The following CTPS2 variants were observed in gnomAD, a reference collection of about 807,000 sequenced individuals.
CTPS2 encodes the protein CTP synthase II.
A neutral mutation model predicts 46.8 loss-of-function variants in CTPS2; 19 were observed. The ratio of observed to expected loss-of-function variants is 0.41; its 90% CI spans 0.28 to 0.60. The LOEUF (loss-of-function observed/expected upper bound fraction) is 0.60. CTPS2 is among the 20% of genes least tolerant of loss of function. The pLI is 0.35. For synonymous variants in CTPS2, 151 were observed against 165.2 expected (o/e 0.91, Z 0.66); for missense variants, 286 against 447.6 (o/e 0.64, Z 3.26).
chrX:16,636,471 A>G (rs1490400856), intron 14 of CTPS2, among the ~76,000 whole-genome samples: 3 of 112,625 alleles, frequency 2.7e-5, no homozygotes, highest in Admixed American at 9.4e-5. Flanking sequence ...AAATGTCCAT[A>G]ATGGGCAAAC....
intron 13 of CTPS2, chrX:16,651,155 C>T (rs761231811): frequency 2.2e-5 from 25 of 1,153,359 alleles, no homozygotes; most frequent in East Asian, 3.1e-5. Context: ...AGTGGCCATC[C>T]GCAGAGCCCA....
chrX:16,643,264 G>T, intron 13 of CTPS2, among the ~76,000 whole-genome samples: 1 of 112,001 alleles, frequency 8.9e-6, no homozygotes, highest in Non-Finnish European at 1.9e-5. Context: ...CTTTCCTTTT[G>T]TTCCTCATCG....
intron 10 of CTPS2, among the ~76,000 whole-genome samples, chrX:16,674,629 G>A (rs1922075482): frequency 9.5e-6 from 1 of 105,143 alleles, no homozygotes; most frequent in African/African-American, 3.5e-5. Context: ...ACGAGGTCAG[G>A]AGATCGAGAC....
Position 16,596,986 on chromosome X carries a change from T to A in CTPS2, c.1692-6124A>T, listed in dbSNP as rs775891348. On this transcript the variant is annotated intron_variant, in intron 17 of 18. Transcript: ENST00000359276. ...TTCATGTGTTTTTTGGCTGCATAAA[T>A]GTCTTCTTTTGAGAAGTGTCTGTTC... Among the ~76,000 whole-genome samples the A allele has an allele frequency of 4.7e-5, 5 of 106,853 alleles. No individual in the cohort carries two copies. In the East Asian group the frequency reaches 1.5e-3, roughly 31 times the overall value. The allele number at this position is 106,853 out of a possible 115,157, so 92.8% of individuals were successfully genotyped here.
intron 11 of CTPS2, 54 bp downstream of exon 11, chrX:16,670,526 A>G: frequency 1.1e-6 from 1 of 928,826 alleles, no homozygotes; most frequent in Non-Finnish European, 1.5e-6. Context: ...TACCCCTCCT[A>G]GGTGTCAAAA....
intron 13 of CTPS2, among the ~76,000 whole-genome samples, chrX:16,662,950 G>A (rs1475912787): frequency 9.0e-6 from 1 of 111,030 alleles, no homozygotes; most frequent in Non-Finnish European, 1.9e-5. Context: ...ATATGTACAT[G>A]GATACTAATT....
intron 5 of CTPS2, 55 bp from the exon 6 acceptor site, chrX:16,693,279 T>C: frequency 9.3e-7 from 1 of 1,077,535 alleles, no homozygotes; most frequent in Non-Finnish European, 1.3e-6. Flanking sequence ...TATGGATGAT[T>C]AATGGTGCCC....
intron 4 of CTPS2, among the ~76,000 whole-genome samples, chrX:16,693,853 G>A (rs1180815195): frequency 2.7e-5 from 3 of 111,325 alleles, no homozygotes; most frequent in Non-Finnish European, 5.7e-5. Context: ...ATACTCTTCA[G>A]TAGCCCATTG....
intron 17 of CTPS2, among the ~76,000 whole-genome samples, chrX:16,593,158 G>A (rs1451602039): frequency 9.0e-6 from 1 of 111,711 alleles, no homozygotes; most frequent in Non-Finnish European, 1.9e-5. Context: ...AGCCAGGTGC[G>A]GTGGCTCACG....
chrX:16,645,197 G>A (rs1318037827), intron 13 of CTPS2, among the ~76,000 whole-genome samples: 3 of 106,341 alleles, frequency 2.8e-5, no homozygotes, highest in Admixed American at 2.0e-4. Context: ...GTTTCACCGT[G>A]TTAGCCAGGA....
intron 17 of CTPS2, among the ~76,000 whole-genome samples, chrX:16,592,285 A>G (rs1928945575): frequency 8.9e-6 from 1 of 111,840 alleles, no homozygotes; most frequent in Non-Finnish European, 1.9e-5. Context: ...TTTGCTTGTT[A>G]ATCTGTTTTT....
chrX:16,627,179 G>C (rs922910455), intron 14 of CTPS2: 1 of 112,419 alleles, frequency 8.9e-6, no homozygotes, highest in Non-Finnish European at 1.9e-5. Context: ...TTTTGCACCA[G>C]TGTCTTAATT....
intron 1 of CTPS2, among the ~76,000 whole-genome samples, chrX:16,705,391 T>C (rs1924915311): frequency 8.9e-6 from 1 of 112,106 alleles, no homozygotes; most frequent in Non-Finnish European, 1.9e-5. Context: ...AACCATGGAC[T>C]GGCTCTGGCC....
intron 18 of CTPS2, 138 bp from the exon 19 acceptor site, chrX:16,589,913 A>G (rs1347811430): frequency 8.9e-6 from 1 of 112,733 alleles, no homozygotes; most frequent in Non-Finnish European, 1.9e-5. Context: ...AAATAGACAC[A>G]GCTTTGCATC....
At chrX:16,709,848 C>CAAAA (rs35017705) in intron 1 of CTPS2, among the ~76,000 whole-genome samples, 529 of 23,721 alleles carry the variant, frequency 0.022, 59 homozygotes, top group Admixed American at 0.075. Flanking sequence ...ACTCTGTCTC[C>CAAAA]AAAAAAAAAA....
intron 4 of CTPS2, among the ~76,000 whole-genome samples, chrX:16,694,547 A>G (rs1429519881): frequency 8.9e-6 from 1 of 111,798 alleles, no homozygotes; most frequent in East Asian, 2.8e-4. Context: ...CTGGCTCTCT[A>G]CCCCACTAGA....
At chrX:16,665,058 T>C (rs1361079312) in intron 13 of CTPS2, among the ~76,000 whole-genome samples, 1 of 112,412 alleles carries the variant, frequency 8.9e-6, no homozygotes, top group African/African-American at 3.2e-5. Context: ...TCCTTAGCCA[T>C]CAGGCAACTG....
intron 14 of CTPS2, among the ~76,000 whole-genome samples, chrX:16,624,766 T>C (rs945492868): frequency 2.7e-5 from 3 of 111,925 alleles, no homozygotes; most frequent in Non-Finnish European, 3.8e-5. Context: ...TGTCCTAGTC[T>C]TTTTAGAGAC....
chrX:16,687,789 T>C (rs1270788759), intron 8 of CTPS2, among the ~76,000 whole-genome samples: 1 of 111,683 alleles, frequency 9.0e-6, no homozygotes, highest in Admixed American at 9.7e-5. Context: ...ATTAGTCATC[T>C]ACCAAGGGTC....
Sources: gnomAD v4.1 joint callset for allele counts (sites outside exome capture counted in the v4.1 genomes callset) on GRCh38, gnomAD v4.1.1 for gene constraint, MANE v1.5 for transcripts, NCBI Gene and HGNC (gene_info 2026-07-23, HGNC 2026-07-21) for gene names.